TMEM232: variants seen among roughly 807,000 people sequenced by gnomAD.
TMEM232 encodes transmembrane protein 232.
A neutral mutation model predicts 78.8 loss-of-function variants in TMEM232; 80 were observed. The ratio of observed to expected loss-of-function variants is 1.01; its 90% CI spans 0.85 to 1.22. The LOEUF (loss-of-function observed/expected upper bound fraction) is 1.22. Among genes scored for constraint, TMEM232 ranks in the 50% most tolerant of loss-of-function variants. The pLI is 0.00. For missense variants in TMEM232, 881 were observed against 742.2 expected, an observed-to-expected ratio of 1.19 and a Z score of -2.17; for synonymous variants, 297 against 254.3, an observed-to-expected ratio of 1.17 and a Z score of -1.60.
intron 12 of TMEM232, among the ~76,000 whole-genome samples, chr5:110,503,564 A>G (rs1296183279): frequency 6.6e-6 from 1 of 152,196 alleles, no homozygotes; most frequent in Non-Finnish European, 1.5e-5. Flanking sequence ...AATGTTTATC[A>G]TTATGAACCT....
chr5:110,738,627 A>C, upstream of TMEM232: 1 of 202,806 alleles, frequency 4.9e-6, no homozygotes, highest in South Asian at 6.8e-5. Flanking sequence ...AACCTCTACT[A>C]GCTTCCTCGG....
chr5:110,509,302 G>T (rs1767409017), intron 12 of TMEM232, among the ~76,000 whole-genome samples: 1 of 151,866 alleles, frequency 6.6e-6, no homozygotes, highest in Non-Finnish European at 1.5e-5. Context: ...AGGTGTGGTG[G>T]TGTGTGCCTG....
At chr5:110,610,043 T>C (rs1399105164) in intron 8 of TMEM232, among the ~76,000 whole-genome samples, 1 of 151,598 alleles carries the variant, frequency 6.6e-6, no homozygotes, top group African/African-American at 2.4e-5. Flanking sequence ...GGTAGTAGAG[T>C]AAGGTAGGAG....
At chr5:110,448,870 C>T (rs1478491459) in intron 12 of TMEM232, among the ~76,000 whole-genome samples, 1 of 151,636 alleles carries the variant, frequency 6.6e-6, no homozygotes, top group Non-Finnish European at 1.5e-5. Flanking sequence ...ATAAGAAAAA[C>T]TCTTTTAAGT....
Position 110,424,817 on chromosome 5 carries a change from T to A in TMEM232, c.1797+6A>T. The A allele has an allele frequency of 6.5e-7, 1 of 1,544,460 alleles. No individual in the cohort carries two copies. Among genetic ancestry groups the A allele is most frequent in the Non-Finnish European group, 8.8e-7 (1 of 1,142,810 alleles). On this transcript the variant is annotated splice_donor_region_variant and intron_variant, in intron 13 of 13. Transcript: ENST00000455884. ...TTGCTGCTAGTTAAAAAAAAATCAA[T>A]CTTACGTGATGGTCAATGATTTTTG...
In TMEM232 at chr5:110,468,144, A is replaced by G. The variant is rs1762286401; in HGVS notation, c.1704-43228T>C. Among the ~76,000 whole-genome samples the G allele has an allele frequency of 2.0e-5, 3 of 152,288 alleles. No individual in the cohort carries two copies. In the South Asian group the frequency reaches 6.2e-4, roughly 32 times the overall value. On this transcript the variant is annotated intron_variant, in intron 12 of 13. Coordinates refer to ENST00000455884, the MANE Select transcript of TMEM232 (RefSeq NM_001039763.4). Reference sequence around the variant, plus strand: ...ACATTACTTTACTTTAAAATAAAAAAAAGATATATTACAGCTAACTTCTCA... The same window carrying G: ...ACATTACTTTACTTTAAAATAAAAAGAAGATATATTACAGCTAACTTCTCA...
chr5:110,389,485 G>T (rs938669695), intron 4 of TMEM232, among the ~76,000 whole-genome samples: 18 of 152,200 alleles, frequency 1.2e-4, no homozygotes, highest in Non-Finnish European at 2.6e-4. Context: ...AAGAATTTGA[G>T]AAAATTCTCT....
intron 12 of TMEM232, among the ~76,000 whole-genome samples, chr5:110,454,734 T>G (rs1760709948): frequency 6.6e-6 from 1 of 151,742 alleles, no homozygotes; most frequent in Admixed American, 6.6e-5. Flanking sequence ...ATGTTTATAT[T>G]AGAAAAAAAA....
chr5:110,584,908 T>TA (rs1778635621), intron 10 of TMEM232, among the ~76,000 whole-genome samples: 1 of 152,134 alleles, frequency 6.6e-6, no homozygotes, highest in Non-Finnish European at 1.5e-5. Flanking sequence ...TATATTATTA[T>TA]AAAAATTAAT....
At chr5:110,593,702 G>T (rs1190131816) in intron 10 of TMEM232, among the ~76,000 whole-genome samples, 1 of 151,868 alleles carries the variant, frequency 6.6e-6, no homozygotes, top group Non-Finnish European at 1.5e-5. Context: ...GAGGAAATAG[G>T]GGTTGTCAAT....
intron 5 of TMEM232, among the ~76,000 whole-genome samples, chr5:110,635,005 T>C (rs1008193462): frequency 2.0e-5 from 3 of 151,924 alleles, no homozygotes; most frequent in Admixed American, 6.6e-5. Context: ...AAAAAGTAGA[T>C]ATTACAATTA....
Position 110,517,160 on chromosome 5 carries a change from G to C in TMEM232, c.1703+11428C>G, listed in dbSNP as rs76768382. On this transcript the variant is annotated intron_variant, in intron 12 of 13. Transcript: ENST00000455884. ...GTACTATGAATAAAGACCTTTCAGG[G>C]ATGAAAAAGAACTGTATGATTTAAA... Among the ~76,000 whole-genome samples the C allele has an allele frequency of 8.8e-3, 1,335 of 152,230 alleles. 6 individuals are homozygous for C. The highest frequency in any genetic ancestry group is 0.017 in the Middle Eastern group (5 of 294).
chr5:110,465,111 G>A (rs1170063072), intron 12 of TMEM232, among the ~76,000 whole-genome samples: 1 of 152,074 alleles, frequency 6.6e-6, no homozygotes, highest in African/African-American at 2.4e-5. Flanking sequence ...TAGGTGTAGA[G>A]TGAAAAGCTG....
intron 10 of TMEM232, among the ~76,000 whole-genome samples, chr5:110,599,117 T>C (rs1780559507): frequency 6.6e-6 from 1 of 152,052 alleles, no homozygotes; most frequent in African/African-American, 2.4e-5. Flanking sequence ...GACAAGGAAA[T>C]GCTAAAGGAT....
chr5:110,726,183 C>A (rs1798139831), intron 1 of TMEM232, among the ~76,000 whole-genome samples: 1 of 146,106 alleles, frequency 6.8e-6, no homozygotes, highest in Non-Finnish European at 1.5e-5. Flanking sequence ...GTCCAAGAGT[C>A]TTCATACTAA....
intron 13 of TMEM232, 138 bp from the exon 14 acceptor site, chr5:110,420,894 T>C: frequency 8.6e-7 from 1 of 1,166,754 alleles, no homozygotes; most frequent in Non-Finnish European, 1.1e-6. Context: ...ATTTTATATC[T>C]ACCACACTGG....
intron 5 of TMEM232, among the ~76,000 whole-genome samples, chr5:110,629,251 A>C: frequency 1.3e-5 from 2 of 152,120 alleles, no homozygotes; most frequent in East Asian, 3.8e-4. Context: ...AAAAAATATA[A>C]TATTCAAAAA....
intron 1 of TMEM232, among the ~76,000 whole-genome samples, chr5:110,676,049 C>T (rs1262063659): frequency 2.6e-5 from 4 of 152,202 alleles, no homozygotes; most frequent in Non-Finnish European, 5.9e-5. Flanking sequence ...GCTTATTTCA[C>T]TTAGCACAGT....
chr5:110,668,249 C>CT (rs1431628678), intron 1 of TMEM232, among the ~76,000 whole-genome samples: 1 of 152,070 alleles, frequency 6.6e-6, no homozygotes, highest in African/African-American at 2.4e-5. Context: ...ACTGTTATCA[C>CT]TCTTAGGGCT....
Sources: allele counts gnomAD v4.1 joint callset (sites outside exome capture counted in the v4.1 genomes callset), GRCh38; gene constraint gnomAD v4.1.1; transcripts MANE v1.5; gene names NCBI Gene and HGNC (gene_info 2026-07-23, HGNC 2026-07-21).